MACROD2: variants seen among roughly 807,000 people sequenced by gnomAD.
The protein encoded by MACROD2 is ADP-ribose glycohydrolase MACROD2.
In MACROD2, 36 loss-of-function variants were observed where a neutral mutation model predicts 70.4. The ratio of observed to expected loss-of-function variants is 0.51; its 90% confidence interval spans 0.39 to 0.68. The LOEUF is 0.68. MACROD2 is among the 30% of genes least tolerant of loss of function. MACROD2 has a pLI of 0.00. For missense variants in MACROD2, 496 were observed against 538.4 expected (o/e 0.92, Z 0.78); for synonymous variants, 172 against 178.8 (o/e 0.96, Z 0.30).
chr20:15,827,344 AT>A (rs1377818656), intron 8 of MACROD2, among the ~76,000 whole-genome samples: 3 of 152,210 alleles, frequency 2.0e-5, no homozygotes, highest in Non-Finnish European at 4.4e-5. Flanking sequence ...AGATAAAAGG[AT>A]TATTAAATAC....
At chr20:15,061,575 G>A (rs79208591) in intron 5 of MACROD2, among the ~76,000 whole-genome samples, 1 of 152,244 alleles carries the variant, frequency 6.6e-6, no homozygotes, top group African/African-American at 2.4e-5. Context: ...CCACTTGCAT[G>A]TGAGTCTGTG....
chr20:14,578,053 A>G (rs2123338148), intron 4 of MACROD2, among the ~76,000 whole-genome samples: 1 of 152,074 alleles, frequency 6.6e-6, no homozygotes, highest in East Asian at 1.9e-4. Context: ...CTAGTCTATG[A>G]CTTGCCACCT....
At chr20:14,460,747 A>G (rs367943581) in intron 3 of MACROD2, among the ~76,000 whole-genome samples, 20 of 152,268 alleles carry the variant, frequency 1.3e-4, no homozygotes, top group African/African-American at 4.8e-4. Context: ...ATGTTGAACC[A>G]GCCTTGCATC....
chr20:15,557,778 G>C (rs1188691773), intron 8 of MACROD2, among the ~76,000 whole-genome samples: 1 of 152,188 alleles, frequency 6.6e-6, no homozygotes, highest in Non-Finnish European at 1.5e-5. Context: ...GCAGCTGTTA[G>C]AATATCCCCT....
intron 3 of MACROD2, among the ~76,000 whole-genome samples, chr20:14,303,916 G>A (rs1354349457): frequency 6.6e-6 from 1 of 152,048 alleles, no homozygotes; most frequent in African/African-American, 2.4e-5. Context: ...ATTCTTTTGT[G>A]TCAAATTCAA....
At chr20:14,599,098 T>A (rs1982324520) in intron 4 of MACROD2, among the ~76,000 whole-genome samples, 1 of 152,136 alleles carries the variant, frequency 6.6e-6, no homozygotes, top group South Asian at 2.1e-4. Flanking sequence ...CTAGCAGGGA[T>A]ACAGGTACAC....
chr20:14,864,677 G>T (rs955612290), intron 5 of MACROD2, among the ~76,000 whole-genome samples: 5 of 152,072 alleles, frequency 3.3e-5, no homozygotes, highest in African/African-American at 1.2e-4. Context: ...AGCTCCATGA[G>T]AATATGCCAG....
At chr20:14,413,262 A>G (rs919302711) in intron 3 of MACROD2, among the ~76,000 whole-genome samples, 4 of 149,150 alleles carry the variant, frequency 2.7e-5, no homozygotes. Flanking sequence ...ATATAAAATT[A>G]TATATCTATT....
intron 4 of MACROD2, among the ~76,000 whole-genome samples, chr20:14,519,940 T>C (rs2085146272): frequency 6.6e-6 from 1 of 152,118 alleles, no homozygotes; most frequent in South Asian, 2.1e-4. Context: ...TGGAGGCCAT[T>C]ATCTGTTCCT....
intron 10 of MACROD2, among the ~76,000 whole-genome samples, chr20:15,919,737 A>G (rs562895174): frequency 2.6e-5 from 4 of 152,252 alleles, no homozygotes; most frequent in African/African-American, 9.6e-5. Context: ...TCCATTTGAA[A>G]AAGAAGAAGG....
At chr20:15,325,538 G>A (rs564110532) in intron 6 of MACROD2, among the ~76,000 whole-genome samples, 12 of 152,216 alleles carry the variant, frequency 7.9e-5, no homozygotes, top group Admixed American at 5.2e-4. Flanking sequence ...TTTTAAGCTA[G>A]TGCTTGGTAA....
At chr20:14,477,113 G>C (rs1329401195) in intron 3 of MACROD2, among the ~76,000 whole-genome samples, 1 of 152,166 alleles carries the variant, frequency 6.6e-6, no homozygotes, top group Non-Finnish European at 1.5e-5. Context: ...GGACTGGACA[G>C]AGTTTGGCTA....
At chr20:14,080,520 A>G (rs1404649163) in intron 2 of MACROD2, among the ~76,000 whole-genome samples, 1 of 151,246 alleles carries the variant, frequency 6.6e-6, no homozygotes, top group East Asian at 1.9e-4. Flanking sequence ...AAAAAGGCCT[A>G]AGTGGTCATT....
intron 5 of MACROD2, among the ~76,000 whole-genome samples, chr20:14,793,455 C>T (rs946694604): frequency 1.3e-5 from 2 of 151,762 alleles, no homozygotes; most frequent in African/African-American, 4.9e-5. Flanking sequence ...ATGCCCCCCG[C>T]CAGCATATTT....
intron 8 of MACROD2, among the ~76,000 whole-genome samples, chr20:15,753,008 C>T (rs1432032450): frequency 3.9e-5 from 6 of 152,152 alleles, no homozygotes; most frequent in Admixed American, 3.9e-4. Context: ...TACATATATA[C>T]TTTGTAAATG....
intron 5 of MACROD2, among the ~76,000 whole-genome samples, chr20:15,116,532 C>A (rs2075992925): frequency 6.6e-6 from 1 of 152,080 alleles, no homozygotes; most frequent in African/African-American, 2.4e-5. Flanking sequence ...GTAATCCCAG[C>A]TACTTGGGAG....
chr20:15,402,803 C>G (rs2045948258), intron 6 of MACROD2, among the ~76,000 whole-genome samples: 1 of 152,178 alleles, frequency 6.6e-6, no homozygotes, highest in Admixed American at 6.5e-5. Context: ...ATAAGGCCTT[C>G]TGCTTTAATT....
chr20:15,880,209 AT>A (rs1380440047), intron 9 of MACROD2, among the ~76,000 whole-genome samples: 1 of 152,100 alleles, frequency 6.6e-6, no homozygotes, highest in Non-Finnish European at 1.5e-5. Context: ...CACTCCTGGC[AT>A]GGAAGGTCTG....
At chr20:15,721,597 T>G (rs1393938235) in intron 8 of MACROD2, among the ~76,000 whole-genome samples, 1 of 152,186 alleles carries the variant, frequency 6.6e-6, no homozygotes, top group East Asian at 1.9e-4. Flanking sequence ...TTAGAATTTT[T>G]TCCTAAGTTA....
Sources: gnomAD v4.1 joint callset for allele counts (sites outside exome capture counted in the v4.1 genomes callset) on GRCh38, gnomAD v4.1.1 for gene constraint, MANE v1.5 for transcripts, NCBI Gene and HGNC (gene_info 2026-07-23, HGNC 2026-07-21) for gene names.